Variants in THSD7A observed in about 807,000 individuals in gnomAD.
THSD7A encodes the protein thrombospondin type-1 domain-containing protein 7A.
In THSD7A, 96 loss-of-function variants were observed where a neutral mutation model predicts 231.3. That is an observed-to-expected ratio of 0.41 (90% CI 0.35 to 0.49). THSD7A has a LOEUF of 0.49. Among genes scored for constraint, THSD7A ranks in the 20% least tolerant of loss-of-function variants. The pLI is 0.05. For missense variants in THSD7A, 2,290 were observed against 2,070.2 expected (o/e 1.11, Z -2.06); for synonymous variants, 940 against 743.3 (o/e 1.26, Z -4.30).
chr7:11,595,728 T>C (rs1279835165), intron 2 of THSD7A, among the ~76,000 whole-genome samples: 1 of 152,206 alleles, frequency 6.6e-6, no homozygotes, highest in Non-Finnish European at 1.5e-5. Flanking sequence ...TAATTGCTCT[T>C]CTCTGTATGT....
At chr7:11,625,739 T>C (rs2128355377) in intron 2 of THSD7A, among the ~76,000 whole-genome samples, 1 of 152,236 alleles carries the variant, frequency 6.6e-6, no homozygotes, top group East Asian at 1.9e-4. Flanking sequence ...TTTATTAAAT[T>C]CCCTCTTTTA....
At chr7:11,568,428 A>G (rs7785106) in intron 4 of THSD7A, among the ~76,000 whole-genome samples, 50,606 of 151,628 alleles carry the variant, frequency 0.33, 8,731 homozygotes, top group Middle Eastern at 0.48. Flanking sequence ...GATCGAGACC[A>G]TCCTGGCTAA....
intron 1 of THSD7A, among the ~76,000 whole-genome samples, chr7:11,813,429 C>T (rs1291420602): frequency 6.6e-6 from 1 of 152,046 alleles, no homozygotes; most frequent in East Asian, 1.9e-4. Flanking sequence ...AAAAACATGG[C>T]TCAACTGGGA....
At chr7:11,561,641 C>A (rs111295262) in intron 4 of THSD7A, among the ~76,000 whole-genome samples, 1 of 152,066 alleles carries the variant, frequency 6.6e-6, no homozygotes, top group Admixed American at 6.6e-5. Flanking sequence ...GAGGCCAAGG[C>A]GGGTGGATTA....
intron 11 of THSD7A, among the ~76,000 whole-genome samples, chr7:11,453,570 G>C (rs998887550): frequency 6.6e-6 from 1 of 151,984 alleles, no homozygotes; most frequent in African/African-American, 2.4e-5. Context: ...CAAGAAAACA[G>C]AGGGGCTATT....
chr7:11,539,148 T>C (rs1789037220), intron 6 of THSD7A, among the ~76,000 whole-genome samples: 1 of 152,116 alleles, frequency 6.6e-6, no homozygotes, highest in South Asian at 2.1e-4. Flanking sequence ...AAAACAACAT[T>C]TGGTGCAGCT....
At chr7:11,544,662 C>A (rs772479830) in intron 4 of THSD7A, among the ~76,000 whole-genome samples, 1 of 152,176 alleles carries the variant, frequency 6.6e-6, no homozygotes, top group East Asian at 1.9e-4. Flanking sequence ...TTCACACACA[C>A]GAGCACACAG....
chr7:11,462,285 A>C lies in THSD7A; in HGVS notation c.2369-142T>G, dbSNP rs1362657329. The C allele has an allele frequency of 3.8e-6, 3 of 795,380 alleles. No individual in the cohort carries two copies. In the African/African-American group the frequency reaches 5.2e-5, roughly 14 times the overall value. The allele number at this position is 795,380 out of a possible 1,614,324, so 49.3% of individuals were successfully genotyped here. A position where few individuals can be genotyped will look rare whatever the true frequency, so the allele number is the denominator to read the frequency against. On this transcript the variant is annotated intron_variant, in intron 9 of 27. Transcript: ENST00000423059. ...GAGGCTTCACCTGGTCTAAACATTC[A>C]CTAAATTCTCCCAAAGACCATTTAT... is the stretch of plus-strand genomic sequence containing the variant.
At chr7:11,436,385 C>CTAAT (rs1428875832) in intron 13 of THSD7A, among the ~76,000 whole-genome samples, 1 of 152,038 alleles carries the variant, frequency 6.6e-6, no homozygotes, top group Admixed American at 6.6e-5. Context: ...TTACTGGATT[C>CTAAT]TAATAAGTAT....
At position 11,470,954 on chromosome 7, in the gene THSD7A, T is replaced by C. The variant is rs141728521; in HGVS notation, c.2253-960A>G. On this transcript the variant is annotated intron_variant, in intron 8 of 27. Coordinates refer to ENST00000423059, the MANE Select transcript of THSD7A (RefSeq NM_015204.3). ...TTTAAATATACTGTCTTATTCAAAATATACTTAGTATATAATTTTTTACAC... is the reference window on the plus strand; with the variant it reads ...TTTAAATATACTGTCTTATTCAAAACATACTTAGTATATAATTTTTTACAC... 2.6e-5 allele frequency among the ~76,000 whole-genome samples: 4 copies of C among 152,036 alleles called. No homozygotes were observed. In the East Asian group the frequency reaches 5.8e-4, roughly 22 times the overall value.
intron 1 of THSD7A, among the ~76,000 whole-genome samples, chr7:11,770,890 A>G (rs998685622): frequency 9.2e-5 from 14 of 151,976 alleles, no homozygotes; most frequent in African/African-American, 3.1e-4. Flanking sequence ...TTTTTAAAAA[A>G]TCAAAAATAA....
rs751941132 is a variant in THSD7A, at chr7:11,417,545, G to A, written c.3442C>T (p.Pro1148Ser). 9 of 1,613,572 alleles carry A rather than the reference G, an allele frequency of 5.6e-6. No homozygotes were observed. Among genetic ancestry groups the A allele is most frequent in the Non-Finnish European group, 7.6e-6 (9 of 1,179,766 alleles). ...SEHVEDYLCDPEEMPLGSRVC... is the reference protein window; with the variant it reads ...SEHVEDYLCDSEEMPLGSRVC... ...CTAGAGCCCAGGGGCATCTCTTCTG[G>A]GTCACAGAGGTAATCCTCTACATGT... The change falls in exon 17 of 28, where the codon CCA (proline) becomes TCA (serine). Residue 1148 changes from proline to serine, a missense_variant. Physicochemically the swap from Pro to Ser is moderately conservative, Grantham distance 74. Transcript: ENST00000423059.
At chr7:11,605,414 T>C (rs1780701592) in intron 2 of THSD7A, among the ~76,000 whole-genome samples, 1 of 152,054 alleles carries the variant, frequency 6.6e-6, no homozygotes, top group Non-Finnish European at 1.5e-5. Context: ...GTGGAAGTTG[T>C]TCCTACTGGC....
chr7:11,401,453 G>A (rs553249974), intron 23 of THSD7A, among the ~76,000 whole-genome samples: 15 of 152,100 alleles, frequency 9.9e-5, no homozygotes, highest in Non-Finnish European at 2.2e-4. Context: ...TTTCACTCTT[G>A]TTGCCCAGGC....
intron 1 of THSD7A, among the ~76,000 whole-genome samples, chr7:11,732,585 A>G (rs1399771487): frequency 1.3e-5 from 2 of 151,860 alleles, no homozygotes; most frequent in African/African-American, 4.8e-5. Context: ...AACACAAAAT[A>G]AAACATTTAC....
chr7:11,458,353 GA>G (rs1785379119), intron 11 of THSD7A, among the ~76,000 whole-genome samples: 1 of 151,988 alleles, frequency 6.6e-6, no homozygotes, highest in South Asian at 2.1e-4. Flanking sequence ...ACATTCTTAA[GA>G]TTCTCCACTT....
At chr7:11,689,761 T>C (rs1584217294) in intron 1 of THSD7A, among the ~76,000 whole-genome samples, 1 of 150,642 alleles carries the variant, frequency 6.6e-6, no homozygotes, top group Admixed American at 6.7e-5. Flanking sequence ...TAGCTTTTTA[T>C]GTATGGTGCC....
At chr7:11,827,094 C>T (rs1583322672) in intron 1 of THSD7A, among the ~76,000 whole-genome samples, 1 of 152,058 alleles carries the variant, frequency 6.6e-6, no homozygotes, top group Non-Finnish European at 1.5e-5. Context: ...AACTTGAACT[C>T]CTAGGTTCAA....
chr7:11,536,454 C>G (rs76757330), intron 6 of THSD7A, among the ~76,000 whole-genome samples: 5,341 of 152,168 alleles, frequency 0.035, 131 homozygotes, highest in South Asian at 0.065. Context: ...GTTTTTCTGG[C>G]CAATATGGAG....
Sources: allele counts gnomAD v4.1 joint callset (sites outside exome capture counted in the v4.1 genomes callset), GRCh38; gene constraint gnomAD v4.1.1; transcripts MANE v1.5; gene names NCBI Gene and HGNC (gene_info 2026-07-23, HGNC 2026-07-21).